Variants in MID1 observed in about 807,000 individuals in gnomAD.
MID1 encodes the protein midline 1, also known as E3 ubiquitin-protein ligase Midline-1.
In MID1, 7 loss-of-function variants were observed where a neutral mutation model predicts 40.4. The ratio of observed to expected loss-of-function variants is 0.17; its 90% CI spans 0.10 to 0.33. MID1 has a LOEUF of 0.33. MID1 is among the 10% of genes least tolerant of loss of function. The probability of loss-of-function intolerance (pLI) is 1.00; values close to 1 mark genes in which losing one functional copy is unlikely to be tolerated. For missense variants in MID1, 367 were observed against 558.5 expected (o/e 0.66, Z 3.46); for synonymous variants, 229 against 221.2 (o/e 1.04, Z -0.31).
intron 1 of MID1, among the ~76,000 whole-genome samples, chrX:10,572,187 TAC>T (rs376684211): frequency 0.011 from 1,012 of 90,780 alleles, 4 homozygotes; most frequent in Middle Eastern, 0.043. Context: ...ATGTATCTAA[TAC>T]ACACACACAC....
chrX:10,802,099 T>C (rs1039124782), intron 1 of MID1, among the ~76,000 whole-genome samples: 3 of 111,140 alleles, frequency 2.7e-5, no homozygotes, highest in African/African-American at 9.8e-5. Flanking sequence ...GGGAAATTGC[T>C]TGAACCTGGG....
At chrX:10,804,260 C>T (rs934082012) in intron 1 of MID1, among the ~76,000 whole-genome samples, 12 of 112,431 alleles carry the variant, frequency 1.1e-4, no homozygotes, top group African/African-American at 3.9e-4. Context: ...TCAAAAATGT[C>T]TACCATATCT....
chrX:10,716,046 C>T (rs893550433), intron 1 of MID1, among the ~76,000 whole-genome samples: 2 of 111,313 alleles, frequency 1.8e-5, no homozygotes, highest in African/African-American at 3.3e-5. Context: ...CCCATCTGTA[C>T]GTCACCATCA....
chrX:10,560,792 T>G (rs1934305125), intron 2 of MID1, among the ~76,000 whole-genome samples: 1 of 111,109 alleles, frequency 9.0e-6, no homozygotes, highest in African/African-American at 3.3e-5. Context: ...ATGGCCATAC[T>G]GCCCAAAGTA....
At chrX:10,736,598 T>C (rs1030061060) in intron 1 of MID1, among the ~76,000 whole-genome samples, 1 of 112,334 alleles carries the variant, frequency 8.9e-6, no homozygotes, top group African/African-American at 3.2e-5. Context: ...AAGAGACATG[T>C]TGACATGTAG....
At chrX:10,798,334 A>C (rs1016782300) in intron 1 of MID1, among the ~76,000 whole-genome samples, 3 of 111,736 alleles carry the variant, frequency 2.7e-5, no homozygotes, top group Non-Finnish European at 5.6e-5. Flanking sequence ...TCAAAAGCAG[A>C]TATGTTGCTC....
upstream of MID1, among the ~76,000 whole-genome samples, chrX:10,622,503 C>A (rs913526218): frequency 8.9e-6 from 1 of 111,761 alleles, no homozygotes; most frequent in Non-Finnish European, 1.9e-5. Flanking sequence ...CCCAAATGCC[C>A]CAAGAAAAAT....
At chrX:10,647,146 G>A (rs1168664216) in intron 1 of MID1, among the ~76,000 whole-genome samples, 1 of 111,401 alleles carries the variant, frequency 9.0e-6, no homozygotes, top group Non-Finnish European at 1.9e-5. Context: ...CAACCATCCA[G>A]GAGGTAGGTG....
chrX:10,564,890 A>G (rs1258617281), intron 2 of MID1, among the ~76,000 whole-genome samples: 1 of 110,532 alleles, frequency 9.0e-6, no homozygotes, highest in Non-Finnish European at 1.9e-5. Flanking sequence ...AACATTTTTA[A>G]TAAAGAAACA....
At chrX:10,699,608 CCT>C (rs770445974) in intron 1 of MID1, among the ~76,000 whole-genome samples, 7 of 111,468 alleles carry the variant, frequency 6.3e-5, no homozygotes, top group African/African-American at 2.3e-4. Context: ...TGAGCTTGCC[CCT>C]TTTTCCTGAG....
At chrX:10,615,935 T>C (rs771804925) in intron 1 of MID1, among the ~76,000 whole-genome samples, 1 of 112,637 alleles carries the variant, frequency 8.9e-6, no homozygotes, top group Admixed American at 9.4e-5. Flanking sequence ...TCGCCCTTTC[T>C]TTAATCACAG....
At chrX:10,687,526 G>A (rs1378765804) in intron 1 of MID1, among the ~76,000 whole-genome samples, 1 of 112,268 alleles carries the variant, frequency 8.9e-6, no homozygotes, top group Non-Finnish European at 1.9e-5. Context: ...GGAACAGTAT[G>A]TTAGATATGT....
intron 1 of MID1, among the ~76,000 whole-genome samples, chrX:10,720,995 C>G (rs1308337580): frequency 1.0e-5 from 1 of 98,541 alleles, no homozygotes; most frequent in African/African-American, 3.8e-5. Flanking sequence ...GGGAATTGAA[C>G]AATGAGAACA....
Position 10,663,188 on chromosome X carries a change from T to C in MID1, c.-186-42769A>G, listed in dbSNP as rs2042927818. ...ATGTGGACAATTTAATGTTTTAAAGTATATTCCCAGTGTCCTACAACCATC... is the reference window on the plus strand; with the variant it reads ...ATGTGGACAATTTAATGTTTTAAAGCATATTCCCAGTGTCCTACAACCATC... On this transcript the variant is annotated intron_variant, in intron 1 of 10. Transcript: ENST00000380785. Among the ~76,000 whole-genome samples, 4 of 111,226 alleles carry C rather than the reference T, an allele frequency of 3.6e-5. No individual in the cohort carries two copies. In the Admixed American group the frequency reaches 3.8e-4, roughly 11 times the overall value.
intron 1 of MID1, among the ~76,000 whole-genome samples, chrX:10,592,872 G>A (rs1935337867): frequency 8.9e-6 from 1 of 111,761 alleles, no homozygotes; most frequent in South Asian, 3.7e-4. Context: ...CACTTTACTT[G>A]CATAACTACA....
chrX:10,602,462 C>T (rs1045683852), intron 1 of MID1, among the ~76,000 whole-genome samples: 2 of 109,909 alleles, frequency 1.8e-5, no homozygotes, highest in Admixed American at 9.7e-5. Context: ...TACCCATTAG[C>T]ACTCACTCCG....
chrX:10,744,908 T>A (rs2043548490), intron 1 of MID1, among the ~76,000 whole-genome samples: 1 of 112,152 alleles, frequency 8.9e-6, no homozygotes. Context: ...CTGATCAGAA[T>A]CCTGCCATTG....
chrX:10,476,434 A>T (rs182846188), intron 5 of MID1, among the ~76,000 whole-genome samples: 120 of 110,992 alleles, frequency 1.1e-3, no homozygotes, highest in African/African-American at 3.9e-3. Flanking sequence ...TTGGCCTCCC[A>T]AAGTGCTGGG....
chrX:10,498,884 T>C (rs1452955264), intron 3 of MID1, among the ~76,000 whole-genome samples: 4 of 112,214 alleles, frequency 3.6e-5, no homozygotes, highest in African/African-American at 1.3e-4. Flanking sequence ...TTCTAGTTTT[T>C]GTTCACTATA....
Sources: gnomAD v4.1 joint callset for allele counts (sites outside exome capture counted in the v4.1 genomes callset) on GRCh38, gnomAD v4.1.1 for gene constraint, MANE v1.5 for transcripts, NCBI Gene and HGNC (gene_info 2026-07-23, HGNC 2026-07-21) for gene names.